Variants in UNC13B observed in about 807,000 individuals in gnomAD.
The protein encoded by UNC13B is unc-13 homolog B, also known as protein unc-13 homolog B.
Under a neutral mutation model 211.0 loss-of-function variants are expected in UNC13B, and 144 were observed. That is an observed-to-expected ratio of 0.68 (90% confidence interval 0.60 to 0.78). UNC13B has a LOEUF of 0.78. Among genes scored for constraint, UNC13B ranks in the 30% least tolerant of loss-of-function variants. The pLI is 0.00. For missense variants in UNC13B, 1,777 were observed against 2,002.0 expected, an observed-to-expected ratio of 0.89 and a Z score of 2.14; for synonymous variants, 709 against 725.8, an observed-to-expected ratio of 0.98 and a Z score of 0.37.
At chr9:35,239,768 A>G (rs545537540) in intron 5 of UNC13B, among the ~76,000 whole-genome samples, 191 of 152,292 alleles carry the variant, frequency 1.3e-3, no homozygotes, top group African/African-American at 4.1e-3. Context: ...CCTTGCTGAG[A>G]AAAAGAATTC....
chr9:35,380,750 G>A, intron 18 of UNC13B, 111 bp downstream of exon 18: 2 of 1,403,182 alleles, frequency 1.4e-6, no homozygotes, highest in Non-Finnish European at 2.0e-6. Flanking sequence ...CCTCTATACA[G>A]AGCCTGTCTC....
chr9:35,314,360 C>A (rs1830338951), intron 11 of UNC13B, among the ~76,000 whole-genome samples: 1 of 152,054 alleles, frequency 6.6e-6, no homozygotes, highest in Non-Finnish European at 1.5e-5. Flanking sequence ...ATCTGTAGGG[C>A]CAAAACAGGG....
At position 35,303,112 on chromosome 9, in the gene UNC13B, G is replaced by A. The variant is rs183767175; in HGVS notation, c.3708G>A (p.Pro1236=). ...CTTCATGTGTGACTTCTGAGAACCC[G>A]AAGAACCATGTTGAAAAACATGAAA... ...PATSCVTSEN[P]KNHVEKHETS... The change falls in exon 9 of 40, where the codon CCG becomes CCA. Residue 1236 remains proline, a synonymous_variant. Transcript: ENST00000635942. 3.3e-5 allele frequency: 13 copies of A among 398,596 alleles called. No homozygotes were observed. Among genetic ancestry groups the A allele is most frequent in the African/African-American group, 1.6e-4 (8 of 48,706 alleles). 24.7% of individuals were successfully genotyped at this position (398,596 alleles called of 1,614,324 possible). A position where few individuals can be genotyped will look rare whatever the true frequency, so the allele number is the denominator to read the frequency against.
chr9:35,340,338 C>G (rs1359053770), intron 11 of UNC13B, among the ~76,000 whole-genome samples: 1 of 152,046 alleles, frequency 6.6e-6, no homozygotes, highest in Non-Finnish European at 1.5e-5. Flanking sequence ...AATTTTCTTC[C>G]TTGGTTGAGG....
intron 1 of UNC13B, among the ~76,000 whole-genome samples, chr9:35,206,657 C>T (rs973887520): frequency 1.7e-4 from 26 of 152,030 alleles, no homozygotes; most frequent in East Asian, 3.9e-4. Flanking sequence ...AGGTGGATCA[C>T]GAGGTCAAGA....
chr9:35,190,102 G>A (rs1322687515), intron 1 of UNC13B, among the ~76,000 whole-genome samples: 4 of 152,190 alleles, frequency 2.6e-5, no homozygotes, highest in Admixed American at 6.5e-5. Context: ...AATTAACGGC[G>A]CCATTTTATA....
At chr9:35,266,590 C>G (rs1453251541) in intron 7 of UNC13B, among the ~76,000 whole-genome samples, 1 of 152,056 alleles carries the variant, frequency 6.6e-6, no homozygotes, top group Admixed American at 6.6e-5. Context: ...TACTCTAGCC[C>G]CAGTTATTTG....
chr9:35,314,928 A>G (rs1587602540), intron 11 of UNC13B, among the ~76,000 whole-genome samples: 1 of 118,410 alleles, frequency 8.4e-6, no homozygotes, highest in African/African-American at 3.3e-5. Flanking sequence ...TCCTTTGCCC[A>G]GCTGGAGTGC....
At chr9:35,210,489 A>G (rs1438395141) in intron 1 of UNC13B, among the ~76,000 whole-genome samples, 1 of 150,926 alleles carries the variant, frequency 6.6e-6, no homozygotes, top group African/African-American at 2.4e-5. Flanking sequence ...CGGGGCTGAC[A>G]TTTGAAATTA....
chr9:35,273,572 T>C (rs1828011470), intron 7 of UNC13B, among the ~76,000 whole-genome samples: 1 of 152,220 alleles, frequency 6.6e-6, no homozygotes, highest in South Asian at 2.1e-4. Context: ...TTACCTGTCT[T>C]ATTTCTAATA....
At chr9:35,241,592 C>G (rs1339819919) in intron 5 of UNC13B, among the ~76,000 whole-genome samples, 1 of 141,082 alleles carries the variant, frequency 7.1e-6, no homozygotes, top group African/African-American at 2.6e-5. Context: ...CACACACACA[C>G]ACACCACCAT....
At chr9:35,361,941 A>T (rs1162600408) in intron 11 of UNC13B, 1 of 152,264 alleles carries the variant, frequency 6.6e-6, no homozygotes, top group Non-Finnish European at 1.5e-5. Context: ...AGGACACGTG[A>T]GGAGCGGAAG....
At chr9:35,316,562 G>A (rs564710733) in intron 11 of UNC13B, among the ~76,000 whole-genome samples, 2 of 152,092 alleles carry the variant, frequency 1.3e-5, no homozygotes, top group Non-Finnish European at 2.9e-5. Context: ...ACTCATAATT[G>A]CATGCTCTAA....
At chr9:35,331,697 CTCAG>C (rs1449753314) in intron 11 of UNC13B, among the ~76,000 whole-genome samples, 2 of 152,102 alleles carry the variant, frequency 1.3e-5, no homozygotes, top group African/African-American at 2.4e-5. Context: ...ACTTTTTTCT[CTCAG>C]TCACTTTTTC....
chr9:35,362,286 G>T (rs1418043556), intron 11 of UNC13B, among the ~76,000 whole-genome samples: 1 of 152,190 alleles, frequency 6.6e-6, no homozygotes, highest in Non-Finnish European at 1.5e-5. Flanking sequence ...GTCTGGCTGG[G>T]GACAGGAGGA....
chr9:35,396,862 A>G lies in UNC13B; in HGVS notation c.11457A>G (p.Leu3819=), dbSNP rs374094190. The G allele has an allele frequency of 1.5e-5, 24 of 1,614,082 alleles. No individual in the cohort carries two copies. The highest frequency in any genetic ancestry group is 2.0e-5 in the Non-Finnish European group (24 of 1,180,038). Residue 3819 remains leucine, a synonymous_variant, in exon 28 of 40, where the codon CTA becomes CTG. Coordinates refer to ENST00000635942, the MANE Select transcript of UNC13B (RefSeq NM_001371189.2). ...EYPAWFEQFV[L]QWLDENEDVS... ...GCAGGTGGTTTGAGCAGTTCGTGCTACAATGGCTGGATGAGAATGAGGATG... is the reference window on the plus strand; with the variant it reads ...GCAGGTGGTTTGAGCAGTTCGTGCTGCAATGGCTGGATGAGAATGAGGATG...
chr9:35,329,664 T>A (rs1831255727), intron 11 of UNC13B, among the ~76,000 whole-genome samples: 1 of 152,048 alleles, frequency 6.6e-6, no homozygotes, highest in Admixed American at 6.5e-5. Flanking sequence ...ATTTTTTATA[T>A]TTTTTGTGGA....
chr9:35,272,817 T>A (rs1001561905), intron 7 of UNC13B, among the ~76,000 whole-genome samples: 2 of 152,148 alleles, frequency 1.3e-5, no homozygotes, highest in African/African-American at 4.8e-5. Context: ...GCTTTTAGAG[T>A]TGCAGTGTAC....
chr9:35,306,523 C>T lies in UNC13B; in HGVS notation c.7119C>T (p.Ser2373=), dbSNP rs1314613903. 2 of 398,878 alleles carry T rather than the reference C, an allele frequency of 5.0e-6. No homozygotes were observed. The highest frequency in any genetic ancestry group is 8.8e-6 in the Non-Finnish European group (2 of 226,056). 24.7% of individuals were successfully genotyped at this position (398,878 alleles called of 1,614,324 possible). Residue 2373 remains serine, a synonymous_variant, in exon 9 of 40, where the codon TCC becomes TCT. Coordinates refer to ENST00000635942, the MANE Select transcript of UNC13B (RefSeq NM_001371189.2). ...NHKAFPSDSL[S]NSFSHAKQLI... ...AAGCCTTCCCCAGTGACTCACTGTCCAACTCTTTTTCACATGCTAAACAGT... is the reference window on the plus strand; with the variant it reads ...AAGCCTTCCCCAGTGACTCACTGTCTAACTCTTTTTCACATGCTAAACAGT...
Sources: gnomAD v4.1 joint callset for allele counts (sites outside exome capture counted in the v4.1 genomes callset) on GRCh38, gnomAD v4.1.1 for gene constraint, MANE v1.5 for transcripts, NCBI Gene and HGNC (gene_info 2026-07-23, HGNC 2026-07-21) for gene names.